The following ADCY2 variants were observed in gnomAD, a reference collection of about 807,000 sequenced individuals.
ADCY2 encodes adenylate cyclase type 2.
ADCY2 carries 31 observed loss-of-function variants against 125.2 expected under a neutral mutation model. The ratio of observed to expected loss-of-function variants is 0.25; its 90% confidence interval spans 0.19 to 0.33. The LOEUF (loss-of-function observed/expected upper bound fraction) is 0.33. Among genes scored for constraint, ADCY2 ranks in the 10% least tolerant of loss-of-function variants. ADCY2 has a pLI of 1.00. For synonymous variants in ADCY2, 512 were observed against 548.4 expected, an observed-to-expected ratio of 0.93 and a Z score of 0.93; for missense variants, 904 against 1,418.2, an observed-to-expected ratio of 0.64 and a Z score of 5.82.
rs76036450 is a variant in ADCY2 at position 7,738,159 on chromosome 5, T to G, written c.1872-5509T>G. ...ACAATGTATTTATTTTTCATGTCTCTAAAAGACAACAGGTGATCTGATGCA... is the reference window on the plus strand; with the variant it reads ...ACAATGTATTTATTTTTCATGTCTCGAAAAGACAACAGGTGATCTGATGCA... On this transcript the variant is annotated intron_variant, in intron 14 of 24. Transcript: ENST00000338316. Among the ~76,000 whole-genome samples the G allele has an allele frequency of 4.2e-3, 640 of 152,246 alleles. 9 individuals carry two copies. Among genetic ancestry groups the G allele is most frequent in the African/African-American group, 0.014 (598 of 41,570 alleles).
chr5:7,501,967 C>G (rs1186353354), intron 2 of ADCY2, among the ~76,000 whole-genome samples: 1 of 152,128 alleles, frequency 6.6e-6, no homozygotes, highest in Non-Finnish European at 1.5e-5. Context: ...TGGGGAAATA[C>G]TATTCACGAT....
intron 14 of ADCY2, among the ~76,000 whole-genome samples, chr5:7,738,927 T>G (rs542538511): frequency 6.6e-6 from 1 of 151,958 alleles, no homozygotes; most frequent in African/African-American, 2.4e-5. Flanking sequence ...CTTATGCATA[T>G]CTGACAAAAT....
At chr5:7,602,489 A>G (rs528589701) in intron 3 of ADCY2, among the ~76,000 whole-genome samples, 20 of 151,992 alleles carry the variant, frequency 1.3e-4, no homozygotes, top group Non-Finnish European at 2.1e-4. Context: ...CCTCACTCTT[A>G]CCTTTCAACA....
At chr5:7,589,524 G>GGAAAAGAA (rs1561112681) in intron 3 of ADCY2, among the ~76,000 whole-genome samples, 7 of 67,954 alleles carry the variant, frequency 1.0e-4, no homozygotes, top group Admixed American at 1.6e-4. Context: ...AGAAAAGAAA[G>GGAAAAGAA]AGAAAGAAAG....
At chr5:7,597,442 G>A (rs374851062) in intron 3 of ADCY2, among the ~76,000 whole-genome samples, 1 of 152,196 alleles carries the variant, frequency 6.6e-6, no homozygotes, top group African/African-American at 2.4e-5. Flanking sequence ...TGCCATCCAC[G>A]ATGCTTCCCT....
chr5:7,581,060 T>G (rs1384296722), intron 3 of ADCY2, among the ~76,000 whole-genome samples: 1 of 152,154 alleles, frequency 6.6e-6, no homozygotes, highest in African/African-American at 2.4e-5. Context: ...GTGAACTGTA[T>G]GAGAAAGTAA....
intron 11 of ADCY2, among the ~76,000 whole-genome samples, chr5:7,715,737 G>A (rs1480494646): frequency 6.6e-6 from 1 of 152,030 alleles, no homozygotes; most frequent in East Asian, 1.9e-4. Flanking sequence ...GGGCCCGAAG[G>A]CACAAATCCA....
intron 1 of ADCY2, among the ~76,000 whole-genome samples, chr5:7,402,393 G>T (rs909706083): frequency 2.5e-4 from 38 of 152,208 alleles, no homozygotes; most frequent in African/African-American, 8.4e-4. Flanking sequence ...GTTAGGAGAA[G>T]ACTTTGTTTG....
At chr5:7,443,399 T>C (rs1003144676) in intron 2 of ADCY2, among the ~76,000 whole-genome samples, 1 of 151,958 alleles carries the variant, frequency 6.6e-6, no homozygotes, top group African/African-American at 2.4e-5. Context: ...ACACCTGTAA[T>C]CCCAGCACTT....
intron 9 of ADCY2, chr5:7,708,049 T>C: frequency 1.9e-6 from 1 of 515,334 alleles, no homozygotes; most frequent in Non-Finnish European, 3.3e-6. Context: ...GCACTGCTTT[T>C]CTGCAGGGGT....
chr5:7,716,023 A>G (rs1301649587), intron 11 of ADCY2, among the ~76,000 whole-genome samples: 1 of 152,170 alleles, frequency 6.6e-6, no homozygotes, highest in Non-Finnish European at 1.5e-5. Flanking sequence ...TTTGCAGTGG[A>G]TATTTAACTT....
At chr5:7,452,010 A>C (rs763301731) in intron 2 of ADCY2, among the ~76,000 whole-genome samples, 2 of 152,204 alleles carry the variant, frequency 1.3e-5, no homozygotes, top group Non-Finnish European at 2.9e-5. Flanking sequence ...TCCCAGGTTC[A>C]AGCGATTCTC....
chr5:7,463,951 G>A (rs1742015852), intron 2 of ADCY2, among the ~76,000 whole-genome samples: 1 of 152,116 alleles, frequency 6.6e-6, no homozygotes, highest in Admixed American at 6.6e-5. Context: ...CTGTGTTTTG[G>A]TGCATCTTAT....
At position 7,626,185 on chromosome 5, in the gene ADCY2, A is replaced by G. The variant is rs745781331; in HGVS notation, c.589A>G (p.Ile197Val). 8 of 1,613,764 alleles carry G rather than the reference A, an allele frequency of 5.0e-6. No individual in the cohort carries two copies. Among genetic ancestry groups the G allele is most frequent in the Non-Finnish European group, 6.8e-6 (8 of 1,179,922 alleles). The change falls in exon 4 of 25, where the codon ATT (isoleucine) becomes GTT (valine). Residue 197 changes from isoleucine to valine, a missense_variant. By Grantham distance (29) the Ile-to-Val change is conservative (BLOSUM62 3). Transcript: ENST00000338316. ...TCTTTAGATCCTGGCCAATGTGATC[A>G]TTTTCATCTGTGGGAACCTGGCGGG... Reference protein sequence around the residue: ...LVWQILANVIIFICGNLAGAY... With the variant: ...LVWQILANVIVFICGNLAGAY...
intron 1 of ADCY2, among the ~76,000 whole-genome samples, chr5:7,412,306 A>G (rs951978216): frequency 6.6e-6 from 1 of 152,182 alleles, no homozygotes; most frequent in Non-Finnish European, 1.5e-5. Flanking sequence ...ACTGGAAAAA[A>G]AAGTCATACT....
intron 3 of ADCY2, among the ~76,000 whole-genome samples, chr5:7,607,007 A>C (rs1019449489): frequency 6.6e-6 from 1 of 152,086 alleles, no homozygotes; most frequent in Admixed American, 6.5e-5. Flanking sequence ...CATGCAGGGC[A>C]CCTGAGCTTG....
intron 2 of ADCY2, among the ~76,000 whole-genome samples, chr5:7,444,918 G>GT (rs1412714258): frequency 1.3e-5 from 2 of 152,164 alleles, no homozygotes; most frequent in African/African-American, 4.8e-5. Flanking sequence ...CCTCTCCACT[G>GT]TTTGTTTGTG....
intron 4 of ADCY2, among the ~76,000 whole-genome samples, chr5:7,637,529 G>A (rs1004060302): frequency 1.3e-5 from 2 of 151,708 alleles, no homozygotes; most frequent in East Asian, 3.9e-4. Flanking sequence ...CACAGCTGTA[G>A]TCCATTGTAG....
Position 7,542,836 on chromosome 5 carries a change from A to G in ADCY2, c.570+21937A>G, listed in dbSNP as rs145721736. 1.5e-3 allele frequency among the ~76,000 whole-genome samples: 231 copies of G among 152,362 alleles called. 1 individual carries two copies. The highest frequency in any genetic ancestry group is 5.3e-3 in the African/African-American group (220 of 41,582). On this transcript the variant is annotated intron_variant, in intron 3 of 24. Coordinates refer to ENST00000338316, the MANE Select transcript of ADCY2 (RefSeq NM_020546.3). ...AATTGTTTGAGAATAATTAGGTAGC[A>G]TAGCCTTGCCAAGTGGACACATAAA...
Sources: allele counts gnomAD v4.1 joint callset (sites outside exome capture counted in the v4.1 genomes callset), GRCh38; gene constraint gnomAD v4.1.1; transcripts MANE v1.5; gene names NCBI Gene and HGNC (gene_info 2026-07-23, HGNC 2026-07-21).